Variants in KIAA1217 observed in about 807,000 individuals in gnomAD.
KIAA1217 encodes KIAA1217, also known as sickle tail protein homolog.
A neutral mutation model predicts 163.9 loss-of-function variants in KIAA1217; 88 were observed. The observed-to-expected ratio is 0.54, with a 90% CI of 0.45 to 0.64. The LOEUF (loss-of-function observed/expected upper bound fraction) is 0.64, where lower values mean the gene tolerates loss of function less well. Among genes scored for constraint, KIAA1217 ranks in the 30% least tolerant of loss-of-function variants. The probability of loss-of-function intolerance (pLI) is 0.00; values close to 1 mark genes in which losing one functional copy is unlikely to be tolerated. For missense variants in KIAA1217, 2,372 were observed against 2,475.0 expected (o/e 0.96, Z 0.88); for synonymous variants, 903 against 923.1 (o/e 0.98, Z 0.39).
chr10:23,723,407 GA>G (rs11423775), intron 1 of KIAA1217, among the ~76,000 whole-genome samples: 21 of 148,968 alleles, frequency 1.4e-4, no homozygotes, highest in South Asian at 4.2e-4. Flanking sequence ...CTGGGAAAAT[GA>G]AAAAAAAATC....
intron 5 of KIAA1217, among the ~76,000 whole-genome samples, chr10:24,440,508 A>G (rs1220633510): frequency 6.6e-6 from 1 of 152,004 alleles, no homozygotes; most frequent in East Asian, 1.9e-4. Context: ...ACCTGTTTTA[A>G]CCCTCCAGCA....
chr10:23,930,077 A>G (rs555146933), intron 1 of KIAA1217, among the ~76,000 whole-genome samples: 1 of 152,206 alleles, frequency 6.6e-6, no homozygotes, highest in East Asian at 1.9e-4. Context: ...GCTAATAGCC[A>G]TTCTGACTGG....
intron 2 of KIAA1217, among the ~76,000 whole-genome samples, chr10:24,120,278 G>T (rs2063230023): frequency 6.6e-6 from 1 of 152,194 alleles, no homozygotes; most frequent in Non-Finnish European, 1.5e-5. Flanking sequence ...ATGGGAATCA[G>T]AGTCCCACTT....
intron 5 of KIAA1217, 68 bp downstream of exon 5, chr10:24,438,547 C>T: frequency 1.9e-6 from 2 of 1,037,868 alleles, no homozygotes; most frequent in Non-Finnish European, 3.0e-6. Flanking sequence ...TGCTTGTACT[C>T]CTGATGTAAT....
intron 3 of KIAA1217, among the ~76,000 whole-genome samples, chr10:24,397,691 G>C (rs1487287197): frequency 1.3e-5 from 2 of 152,300 alleles, no homozygotes; most frequent in South Asian, 4.1e-4. Flanking sequence ...TCTTATGAGA[G>C]CAGTGACTAT....
intron 1 of KIAA1217, among the ~76,000 whole-genome samples, chr10:23,894,593 C>T (rs985323154): frequency 8.0e-5 from 12 of 150,156 alleles, no homozygotes; most frequent in Admixed American, 3.3e-4. Flanking sequence ...TCAATGCCAT[C>T]CCCATCAAGC....
intron 1 of KIAA1217, among the ~76,000 whole-genome samples, chr10:23,911,481 C>G (rs182492794): frequency 6.6e-6 from 1 of 152,184 alleles, no homozygotes; most frequent in Non-Finnish European, 1.5e-5. Context: ...AGATGCTATA[C>G]GAAGGACATG....
At chr10:24,471,074 A>T (rs1202769758) in intron 5 of KIAA1217, among the ~76,000 whole-genome samples, 1 of 152,148 alleles carries the variant, frequency 6.6e-6, no homozygotes, top group East Asian at 1.9e-4. Flanking sequence ...CATGCAGTGA[A>T]TTTTTGTGAT....
At chr10:23,829,145 T>C (rs537116885) in intron 1 of KIAA1217, among the ~76,000 whole-genome samples, 16 of 152,328 alleles carry the variant, frequency 1.1e-4, no homozygotes, top group African/African-American at 2.9e-4. Context: ...AATATCACAT[T>C]ACTTTGCTGC....
chr10:24,206,872 G>A (rs945526272), upstream of KIAA1217, among the ~76,000 whole-genome samples: 1 of 152,128 alleles, frequency 6.6e-6, no homozygotes, highest in South Asian at 2.1e-4. Flanking sequence ...GACCAAGGGG[G>A]TTCCTTGGGC....
chr10:24,040,405 T>C (rs1456898091), intron 2 of KIAA1217, among the ~76,000 whole-genome samples: 1 of 152,178 alleles, frequency 6.6e-6, no homozygotes, highest in East Asian at 1.9e-4. Context: ...GAAAGGCGAC[T>C]GCTAATATGA....
chr10:24,200,557 C>A (rs1409870483), intron 2 of KIAA1217, among the ~76,000 whole-genome samples: 1 of 152,220 alleles, frequency 6.6e-6, no homozygotes, highest in Non-Finnish European at 1.5e-5. Flanking sequence ...ACCAACTCAA[C>A]CCAGTTTTCC....
At chr10:23,723,617 A>C (rs1290955970) in intron 1 of KIAA1217, among the ~76,000 whole-genome samples, 1 of 152,090 alleles carries the variant, frequency 6.6e-6, no homozygotes, top group African/African-American at 2.4e-5. Flanking sequence ...GTCATTTCCA[A>C]TTGCAAGTAT....
At chr10:23,843,695 A>C (rs1015359678) in intron 1 of KIAA1217, among the ~76,000 whole-genome samples, 1 of 152,132 alleles carries the variant, frequency 6.6e-6, no homozygotes, top group African/African-American at 2.4e-5. Flanking sequence ...ATCTTTGTTG[A>C]CTATGTTCTT....
chr10:24,181,231 T>A (rs1287913252), intron 2 of KIAA1217, among the ~76,000 whole-genome samples: 1 of 152,194 alleles, frequency 6.6e-6, no homozygotes, highest in African/African-American at 2.4e-5. Flanking sequence ...TGGAAATATC[T>A]GAGAGGGGAA....
chr10:23,792,794 G>A (rs1377933332), intron 1 of KIAA1217, among the ~76,000 whole-genome samples: 1 of 151,824 alleles, frequency 6.6e-6, no homozygotes, highest in Non-Finnish European at 1.5e-5. Context: ...GAGCCACTGC[G>A]CCCGGTCTCT....
At chr10:24,225,618 A>G (rs1393366619) in intron 2 of KIAA1217, among the ~76,000 whole-genome samples, 3 of 152,212 alleles carry the variant, frequency 2.0e-5, no homozygotes, top group Non-Finnish European at 4.4e-5. Context: ...AAGAATGCAA[A>G]CCATTGGACT....
chr10:23,829,566 A>G (rs1838073486), intron 1 of KIAA1217, among the ~76,000 whole-genome samples: 1 of 152,110 alleles, frequency 6.6e-6, no homozygotes, highest in Admixed American at 6.6e-5. Flanking sequence ...CACATTTATA[A>G]TTTTTTGCAT....
intron 2 of KIAA1217, among the ~76,000 whole-genome samples, chr10:24,262,295 T>C (rs1267236757): frequency 3.3e-5 from 5 of 151,890 alleles, no homozygotes; most frequent in South Asian, 4.2e-4. Flanking sequence ...AGTAGAGAGG[T>C]GGCTGCTGTT....
Sources: gnomAD v4.1 joint callset for allele counts (sites outside exome capture counted in the v4.1 genomes callset) on GRCh38, gnomAD v4.1.1 for gene constraint, MANE v1.5 for transcripts, NCBI Gene and HGNC (gene_info 2026-07-23, HGNC 2026-07-21) for gene names.